The following ART4 variants were observed in gnomAD, a reference collection of about 807,000 sequenced individuals.
ART4 encodes ADP-ribosyltransferase 4 (inactive) (Dombrock blood group), also known as ecto-ADP-ribosyltransferase 4.
ART4 carries 14 observed loss-of-function variants against 24.2 expected under a neutral mutation model. That is an observed-to-expected ratio of 0.58 (90% CI 0.38 to 0.90). The LOEUF (loss-of-function observed/expected upper bound fraction) is 0.90. Ranked by LOEUF, ART4 falls within the 40% of genes least tolerant of loss-of-function variation. ART4 has a pLI of 0.00. For missense variants in ART4, 356 were observed against 366.6 expected (o/e 0.97, Z 0.24); for synonymous variants, 145 against 139.9 (o/e 1.04, Z -0.26).
chr12:14,838,335 G>A (rs1287075959), intron 2 of ART4, among the ~76,000 whole-genome samples: 1 of 152,104 alleles, frequency 6.6e-6, no homozygotes, highest in East Asian at 1.9e-4. Context: ...CCCACTCAAT[G>A]CTTAATATAA....
At position 14,840,931 on chromosome 12, in the gene ART4, T is replaced by G; in HGVS notation, c.367A>C (p.Ile123Leu). 1 of 1,614,220 alleles carries G rather than the reference T, an allele frequency of 6.2e-7. No individual in the cohort carries two copies. The highest frequency in any genetic ancestry group is 8.5e-7 in the Non-Finnish European group (1 of 1,180,034). ...TTGCTGTTCAATGTATAAAACAAAA[T>G]AGCCACAGCGTGTGTGGTAGTCATG... is the stretch of plus-strand genomic sequence containing the variant. The part of the protein sequence containing the change: ...QNMTTTHAVA[I>L]LFYTLNSNVH... Residue 123 changes from isoleucine to leucine, a missense_variant, in exon 2 of 3, where the codon ATT (isoleucine) becomes CTT (leucine). Physicochemically the swap from Ile to Leu is conservative, Grantham distance 5. Transcript: ENST00000228936.
At chr12:14,835,235 C>T (rs183915126) in intron 2 of ART4, among the ~76,000 whole-genome samples, 21 of 152,256 alleles carry the variant, frequency 1.4e-4, no homozygotes, top group African/African-American at 4.1e-4. Context: ...ATTACAGTTT[C>T]GTGAGGAGTT....
intron 2 of ART4, among the ~76,000 whole-genome samples, chr12:14,834,158 A>G (rs139906833): frequency 6.6e-6 from 1 of 152,172 alleles, no homozygotes; most frequent in Admixed American, 6.5e-5. Context: ...AGCTACTAAC[A>G]TATACCCAAA....
intron 2 of ART4, among the ~76,000 whole-genome samples, chr12:14,836,492 A>G (rs1435344241): frequency 6.6e-6 from 1 of 152,216 alleles, no homozygotes; most frequent in Non-Finnish European, 1.5e-5. Flanking sequence ...CATACCATTT[A>G]AAACTTAGGA....
chr12:14,830,019 G>T (rs547555679), intron 2 of ART4, among the ~76,000 whole-genome samples: 1 of 152,050 alleles, frequency 6.6e-6, no homozygotes, highest in Admixed American at 6.6e-5. Context: ...TCTCAATTCT[G>T]CATTCTTAAC....
At chr12:14,831,431 T>A (rs1286732300) in intron 2 of ART4, among the ~76,000 whole-genome samples, 1 of 151,608 alleles carries the variant, frequency 6.6e-6, no homozygotes, top group East Asian at 1.9e-4. Context: ...TGGCTATTTT[T>A]TTTTTGTATT....
intron 2 of ART4, among the ~76,000 whole-genome samples, chr12:14,833,191 T>C (rs1308491423): frequency 6.6e-6 from 1 of 152,196 alleles, no homozygotes; most frequent in East Asian, 1.9e-4. Flanking sequence ...TAAGTTAGAA[T>C]AGAAACACTA....
At chr12:14,830,870 A>G (rs1053544323) in intron 2 of ART4, among the ~76,000 whole-genome samples, 10 of 151,456 alleles carry the variant, frequency 6.6e-5, no homozygotes, top group African/African-American at 2.4e-4. Context: ...ATCAAATTAT[A>G]TGAATCCCTA....
Position 14,829,315 on chromosome 12 carries a change from A to G in ART4, c.*56T>C, listed in dbSNP as rs1247532295. ...ATGTCCATTTCTAGCCAAAAGGCCA[A>G]TAAAAAAGATTTTATTTAAATATTT... On this transcript the variant is annotated 3_prime_UTR_variant, in exon 3 of 3. Transcript: ENST00000228936. 5 of 1,241,466 alleles carry G rather than the reference A, an allele frequency of 4.0e-6. No homozygotes were observed. The highest frequency in any genetic ancestry group is 5.5e-6 in the Non-Finnish European group (5 of 908,926). The allele number at this position is 1,241,466 out of a possible 1,614,324, so 76.9% of individuals were successfully genotyped here.
In ART4 at chr12:14,840,636, C is replaced by A; in HGVS notation, c.662G>T (p.Gly221Val). The change falls in exon 2 of 3, where the codon GGG (glycine) becomes GTG (valine). Residue 221 changes from glycine to valine, a missense_variant. Transcript: ENST00000228936. ...SLLKEEAQEF[G>V]NQTLFTIFTC... is the part of the protein sequence containing the mutation. ...GAATATGGTAAATAGTGTCTGGTTCCCAAACTCCTGTGCCTCTTCTTTCAG... is the reference window on the plus strand; with the variant it reads ...GAATATGGTAAATAGTGTCTGGTTCACAAACTCCTGTGCCTCTTCTTTCAG... The A allele has an allele frequency of 6.2e-7, 1 of 1,614,084 alleles. No homozygotes were observed.
At chr12:14,837,064 T>C (rs1387591567) in intron 2 of ART4, among the ~76,000 whole-genome samples, 17 of 152,140 alleles carry the variant, frequency 1.1e-4, no homozygotes, top group Admixed American at 1.0e-3. Flanking sequence ...AGAGGGCTAC[T>C]AAGTGACTCA....
rs1310712415 is a variant in ART4, at chr12:14,840,627, G to A, written c.671C>T (p.Thr224Ile). 1 of 1,614,132 alleles carries A rather than the reference G, an allele frequency of 6.2e-7. No homozygotes were observed. Among genetic ancestry groups the A allele is most frequent in the South Asian group, 1.1e-5 (1 of 91,074 alleles). Residue 224 changes from threonine (T) to isoleucine (I), a missense_variant, in exon 2 of 3, where the codon ACA (threonine) becomes ATA (isoleucine). Transcript: ENST00000228936. ...KEEAQEFGNQ[T>I]LFTIFTCLGA... Reference sequence around the variant, plus strand: ...CAGGCAGGTGAATATGGTAAATAGTGTCTGGTTCCCAAACTCCTGTGCCTC... The same window carrying A: ...CAGGCAGGTGAATATGGTAAATAGTATCTGGTTCCCAAACTCCTGTGCCTC...
chr12:14,837,831 A>G (rs1409434112), intron 2 of ART4, among the ~76,000 whole-genome samples: 2 of 152,170 alleles, frequency 1.3e-5, no homozygotes, highest in African/African-American at 2.4e-5. Flanking sequence ...TTTACATTTT[A>G]TTTCATTTTC....
chr12:14,842,998 C>A lies in ART4; in HGVS notation c.116G>T (p.Gly39Val). 6.2e-7 allele frequency: 1 copy of A among 1,613,556 alleles called. No homozygotes were observed. The highest frequency in any genetic ancestry group is 8.5e-7 in the Non-Finnish European group (1 of 1,179,804). Reference sequence around the variant, plus strand: ...AGAACCCTCTGTGGGTCTCTGCAGGCCAGAGAGGAGCAGCAGGAATGGCAG... The same window carrying A: ...AGAACCCTCTGTGGGTCTCTGCAGGACAGAGAGGAGCAGCAGGAATGGCAG... ...GLLPFLLLLS[G>V]LQRPTEGSEV... Residue 39 changes from glycine (G) to valine (V), a missense_variant, in exon 1 of 3, where the codon GGC becomes GTC. Gly to Val is a moderately radical substitution (Grantham distance 109). Coordinates refer to ENST00000228936, the MANE Select transcript of ART4 (RefSeq NM_021071.4).
Position 14,834,238 on chromosome 12 carries a change from A to G in ART4, c.854-4776T>C, listed in dbSNP as rs527529466. Reference sequence around the variant, plus strand: ...GTCTCCCAGATTTATTCAATGACTCATTCTTTCATCCATTTATCTGAGACA... The same window carrying G: ...GTCTCCCAGATTTATTCAATGACTCGTTCTTTCATCCATTTATCTGAGACA... On this transcript the variant is annotated intron_variant, in intron 2 of 2. Coordinates refer to ENST00000228936, the MANE Select transcript of ART4 (RefSeq NM_021071.4). Among the ~76,000 whole-genome samples the G allele has an allele frequency of 5.3e-5, 8 of 152,348 alleles. No homozygotes were observed. The South Asian group carries it at 1.7e-3, about 32-fold the overall frequency.
chr12:14,843,032 C>T lies in ART4; in HGVS notation c.82G>A (p.Gly28Arg). 1 of 1,614,068 alleles carries T rather than the reference C, an allele frequency of 6.2e-7. No homozygotes were observed. The highest frequency in any genetic ancestry group is 8.5e-7 in the Non-Finnish European group (1 of 1,179,972). ...AGCAGCAGGAATGGCAGCAGGCCTC[C>T]AAGGAGCCAGATTCTCATCGTTGCA... is the stretch of plus-strand genomic sequence containing the variant. ...PPATMRIWLL[G>R]GLLPFLLLLS... The change falls in exon 1 of 3, where the codon GGA becomes AGA. Residue 28 changes from glycine to arginine, a missense_variant. Gly to Arg is a moderately radical substitution (Grantham distance 125). Transcript: ENST00000228936.
chr12:14,836,078 T>A (rs4764127), intron 2 of ART4, among the ~76,000 whole-genome samples: 8,718 of 151,546 alleles, frequency 0.058, 331 homozygotes, highest in Non-Finnish European at 0.087. Flanking sequence ...TGTATATACA[T>A]ATATATATAT....
Position 14,840,575 on chromosome 12 carries a change from G to T in ART4, c.723C>A (p.Leu241=). 6.2e-7 allele frequency: 1 copy of T among 1,614,172 alleles called. No individual in the cohort carries two copies. The highest frequency in any genetic ancestry group is 8.5e-7 in the Non-Finnish European group (1 of 1,180,016). Residue 241 remains leucine, a synonymous_variant, in exon 2 of 3, where the codon CTC becomes CTA. Transcript: ENST00000228936. ...AGGGAGGGATCAAGACTTCCTTCTT[G>T]AGGGAGAAGTACTGTACAGGTGCAC... ...CLGAPVQYFS[L]KKEVLIPPYE...
rs993219014 is a variant in ART4 at position 14,826,242 on chromosome 12, A to C, written c.*3129T>G. The C allele has an allele frequency of 6.6e-6, 1 of 152,248 alleles. No individual in the cohort carries two copies. Among genetic ancestry groups the C allele is most frequent in the Non-Finnish European group, 1.5e-5 (1 of 68,050 alleles). The allele number at this position is 152,248 out of a possible 1,614,324, so 9.4% of individuals were successfully genotyped here. A position where few individuals can be genotyped will look rare whatever the true frequency, so the allele number is the denominator to read the frequency against. On this transcript the variant is annotated 3_prime_UTR_variant, in exon 3 of 3. Transcript: ENST00000228936. The stretch of plus-strand genomic sequence containing the variant: ...GAGACTGAGGGGATGTGAGCTATGT[A>C]CATTTATCCTTAACCAAACTCATGA...
Sources: allele counts gnomAD v4.1 joint callset (sites outside exome capture counted in the v4.1 genomes callset), GRCh38; gene constraint gnomAD v4.1.1; transcripts MANE v1.5; gene names NCBI Gene and HGNC (gene_info 2026-07-23, HGNC 2026-07-21).